SETBP1: variants seen among roughly 807,000 people sequenced by gnomAD.
SETBP1 encodes the protein SET binding protein 1.
Under a neutral mutation model 101.0 loss-of-function variants are expected in SETBP1, and 9 were observed. The ratio of observed to expected loss-of-function variants is 0.09; its 90% CI spans 0.05 to 0.16. The LOEUF (loss-of-function observed/expected upper bound fraction) is 0.16. Ranked by LOEUF, SETBP1 falls within the 10% of genes least tolerant of loss-of-function variation. The pLI is 1.00. For synonymous variants in SETBP1, 818 were observed against 788.5 expected (o/e 1.04, Z -0.63); for missense variants, 1,858 against 2,033.8 (o/e 0.91, Z 1.66).
At chr18:44,781,954 AC>A (rs1364527342) in intron 2 of SETBP1, among the ~76,000 whole-genome samples, 9 of 152,208 alleles carry the variant, frequency 5.9e-5, no homozygotes, top group Admixed American at 3.9e-4. Context: ...ACTATTTGCA[AC>A]CCTTAACGTT....
At chr18:44,896,741 A>T (rs2069912534) in intron 3 of SETBP1, among the ~76,000 whole-genome samples, 5 of 152,140 alleles carry the variant, frequency 3.3e-5, no homozygotes, top group Admixed American at 3.3e-4. Context: ...TACAGGTGTG[A>T]GCCACCACAC....
At chr18:44,970,836 C>T (rs572122980) in intron 4 of SETBP1, among the ~76,000 whole-genome samples, 8 of 152,044 alleles carry the variant, frequency 5.3e-5, no homozygotes, top group East Asian at 1.9e-4. Flanking sequence ...CAGGCCTGAG[C>T]GACCGCACCC....
At chr18:44,736,228 A>T (rs2069963701) in intron 2 of SETBP1, among the ~76,000 whole-genome samples, 1 of 151,968 alleles carries the variant, frequency 6.6e-6, no homozygotes, top group African/African-American at 2.4e-5. Context: ...CTATAAAAAA[A>T]GTTAGTCAGG....
intron 3 of SETBP1, among the ~76,000 whole-genome samples, chr18:44,937,149 C>T (rs2070976240): frequency 1.3e-5 from 2 of 152,070 alleles, no homozygotes; most frequent in African/African-American, 2.4e-5. Flanking sequence ...CTTTCAACTC[C>T]CCCTTTAAGA....
intron 4 of SETBP1, among the ~76,000 whole-genome samples, chr18:45,022,785 A>C (rs1034500829): frequency 6.6e-6 from 1 of 152,024 alleles, no homozygotes; most frequent in Non-Finnish European, 1.5e-5. Flanking sequence ...AGCCGAGATC[A>C]CACCACTGCA....
chr18:44,802,284 A>T (rs766123700), intron 2 of SETBP1, among the ~76,000 whole-genome samples: 1 of 152,150 alleles, frequency 6.6e-6, no homozygotes, highest in Non-Finnish European at 1.5e-5. Flanking sequence ...TGGAAGAAAG[A>T]TTCATAGATA....
intron 2 of SETBP1, among the ~76,000 whole-genome samples, chr18:44,852,029 T>TCA: frequency 6.6e-6 from 1 of 152,268 alleles, no homozygotes; most frequent in East Asian, 1.9e-4. Context: ...TCAGCTTTGA[T>TCA]CACACACACA....
intron 2 of SETBP1, among the ~76,000 whole-genome samples, chr18:44,704,806 A>C (rs894607066): frequency 6.6e-6 from 1 of 152,238 alleles, no homozygotes; most frequent in African/African-American, 2.4e-5. Context: ...AGAATGGATG[A>C]GGATGAGATT....
At chr18:44,947,758 G>A (rs1429205411) in intron 3 of SETBP1, among the ~76,000 whole-genome samples, 6 of 152,036 alleles carry the variant, frequency 3.9e-5, no homozygotes, top group Non-Finnish European at 2.9e-5. Flanking sequence ...TGCCCGCCTC[G>A]GCCTCCCAAG....
In SETBP1 at chr18:44,922,473, T is replaced by TA. The variant is rs2070605159; in HGVS notation, c.541-27407dup. Among the ~76,000 whole-genome samples the TA allele has an allele frequency of 7.9e-5, 12 of 152,360 alleles. No homozygotes were observed. The South Asian group carries it at 2.3e-3, about 29-fold the overall frequency. ...AGATGTGTTCTGCTGCATCCGTTGTTACCATGTGAGCTACAGTCATTGTTG... is the reference window on the plus strand; with the variant it reads ...AGATGTGTTCTGCTGCATCCGTTGTTAACCATGTGAGCTACAGTCATTGTTG... On this transcript the variant is annotated intron_variant, in intron 3 of 5. Coordinates refer to ENST00000649279, the MANE Select transcript of SETBP1 (RefSeq NM_015559.3).
chr18:44,695,084 A>G (rs1026251844), intron 1 of SETBP1, among the ~76,000 whole-genome samples: 7 of 152,204 alleles, frequency 4.6e-5, no homozygotes, highest in African/African-American at 1.7e-4. Context: ...TGGAAAATAG[A>G]ATCAAATTGG....
At chr18:45,030,775 C>G (rs1369719260) in intron 4 of SETBP1, among the ~76,000 whole-genome samples, 1 of 150,972 alleles carries the variant, frequency 6.6e-6, no homozygotes, top group African/African-American at 2.5e-5. Context: ...TCCATTTCTT[C>G]TAGATTTTCT....
intron 2 of SETBP1, among the ~76,000 whole-genome samples, chr18:44,716,913 C>T (rs935500240): frequency 1.2e-4 from 18 of 152,200 alleles, no homozygotes; most frequent in African/African-American, 4.1e-4. Context: ...AGCCAATTGG[C>T]TGTGCAGGTT....
rs139524770 is a variant in SETBP1, at chr18:44,808,293, T to C, written c.487-60937T>C. On this transcript the variant is annotated intron_variant, in intron 2 of 5. Coordinates refer to ENST00000649279, the MANE Select transcript of SETBP1 (RefSeq NM_015559.3). The stretch of plus-strand genomic sequence containing the variant: ...CTCCTTCACATGTCTTTATAAATCT[T>C]TGTTTCTTTGTTTGCCTCTCCACTA... 7.2e-3 allele frequency among the ~76,000 whole-genome samples: 1,099 copies of C among 152,344 alleles called. 14 individuals are homozygous for C. The highest frequency in any genetic ancestry group is 0.025 in the African/African-American group (1,022 of 41,576).
intron 4 of SETBP1, among the ~76,000 whole-genome samples, chr18:44,981,509 A>T (rs1845434046): frequency 6.6e-6 from 1 of 152,256 alleles, no homozygotes; most frequent in Non-Finnish European, 1.5e-5. Context: ...GTGGGACTTG[A>T]CACCTTTGTC....
chr18:45,036,914 A>G (rs1568042927), intron 4 of SETBP1, among the ~76,000 whole-genome samples: 1 of 152,212 alleles, frequency 6.6e-6, no homozygotes, highest in Admixed American at 6.5e-5. Context: ...GGAAACTTCC[A>G]GCTTTGACAT....
At chr18:44,905,245 T>G (rs565842177) in intron 3 of SETBP1, among the ~76,000 whole-genome samples, 1 of 152,242 alleles carries the variant, frequency 6.6e-6, no homozygotes, top group South Asian at 2.1e-4. Flanking sequence ...AAGAAGCATG[T>G]TCAGGGAGAG....
rs1301983550 is a variant in SETBP1, at chr18:45,067,810, C to G, written c.*4112C>G. ...AACAGTCTTAGAAGCACATATCAACCAAGGAAGAAACTTCCTGGATATCTA... is the reference window on the plus strand; with the variant it reads ...AACAGTCTTAGAAGCACATATCAACGAAGGAAGAAACTTCCTGGATATCTA... On this transcript the variant is annotated 3_prime_UTR_variant, in exon 6 of 6. Transcript: ENST00000649279. 1 of 152,186 alleles carries G rather than the reference C, an allele frequency of 6.6e-6. No homozygotes were observed. Among genetic ancestry groups the G allele is most frequent in the African/African-American group, 2.4e-5 (1 of 41,432 alleles). 9.4% of individuals were successfully genotyped at this position (152,186 alleles called of 1,614,324 possible).
chr18:45,039,905 G>A (rs1458679724), intron 5 of SETBP1, among the ~76,000 whole-genome samples: 2 of 152,176 alleles, frequency 1.3e-5, no homozygotes, highest in Non-Finnish European at 2.9e-5. Context: ...CAAAATACTA[G>A]TAGGTTTTTT....
Sources: gnomAD v4.1 joint callset for allele counts (sites outside exome capture counted in the v4.1 genomes callset) on GRCh38, gnomAD v4.1.1 for gene constraint, MANE v1.5 for transcripts, NCBI Gene and HGNC (gene_info 2026-07-23, HGNC 2026-07-21) for gene names.